The following GPC5 variants were observed in gnomAD, a reference collection of about 807,000 sequenced individuals.
The protein encoded by GPC5 is glypican 5.
In GPC5, 47 loss-of-function variants were observed where a neutral mutation model predicts 53.9. The observed-to-expected ratio is 0.87, with a 90% CI of 0.69 to 1.11. GPC5 has a LOEUF of 1.11. Among genes scored for constraint, GPC5 ranks in the 50% most tolerant of loss-of-function variants. GPC5 has a pLI of 0.00. For synonymous variants in GPC5, 286 were observed against 263.3 expected, an observed-to-expected ratio of 1.09 and a Z score of -0.84; for missense variants, 748 against 713.1, an observed-to-expected ratio of 1.05 and a Z score of -0.56.
chr13:92,808,191 C>T (rs142400083), intron 7 of GPC5, among the ~76,000 whole-genome samples: 60 of 152,058 alleles, frequency 3.9e-4, no homozygotes, highest in African/African-American at 1.4e-3. Context: ...TTATTATAAA[C>T]ATCCGAATTT....
chr13:92,612,084 G>A (rs1435129984), intron 7 of GPC5, among the ~76,000 whole-genome samples: 5 of 152,060 alleles, frequency 3.3e-5, no homozygotes, highest in Non-Finnish European at 7.4e-5. Flanking sequence ...GGATGAAAAG[G>A]TATGAAAAAT....
chr13:92,178,040 A>C (rs564577162), intron 7 of GPC5, among the ~76,000 whole-genome samples: 1 of 152,338 alleles, frequency 6.6e-6, no homozygotes, highest in East Asian at 1.9e-4. Context: ...CTATTCTGGC[A>C]CATGGAAGTT....
At chr13:92,478,118 A>G (rs1404487109) in intron 7 of GPC5, among the ~76,000 whole-genome samples, 1 of 152,150 alleles carries the variant, frequency 6.6e-6, no homozygotes, top group African/African-American at 2.4e-5. Context: ...CCCCATGATC[A>G]CGGAGAATTT....
In GPC5 at chr13:92,527,148, GAA is replaced by G. The variant is rs1251815710; in HGVS notation, c.1562-339132_1562-339131del. Among the ~76,000 whole-genome samples, 83 of 112,978 alleles carry G rather than the reference GAA, an allele frequency of 7.3e-4. 1 individual carries two copies. Among genetic ancestry groups the G allele is most frequent in the African/African-American group, 1.5e-3 (46 of 30,274 alleles). The allele number at this position is 112,978 out of a possible 152,430, so 74.1% of individuals were successfully genotyped here. ...AGAAAGAAAGAAAGAAAGAAAGAAA[GAA>G]AGAAAGAAAGAAAGAAAGAAAGAGA... On this transcript the variant is annotated intron_variant, in intron 7 of 7. Transcript: ENST00000377067.
intron 7 of GPC5, among the ~76,000 whole-genome samples, chr13:92,766,925 C>A (rs1341168911): frequency 2.0e-5 from 3 of 152,140 alleles, no homozygotes; most frequent in South Asian, 2.1e-4. Flanking sequence ...TATTACAATG[C>A]CTCTAGTTGC....
At chr13:91,461,016 C>T (rs1259230685) in intron 2 of GPC5, among the ~76,000 whole-genome samples, 1 of 152,064 alleles carries the variant, frequency 6.6e-6, no homozygotes, top group East Asian at 1.9e-4. Flanking sequence ...GATGCTATAG[C>T]TTTTATGCAG....
chr13:91,542,943 G>A (rs1021593202), intron 2 of GPC5, among the ~76,000 whole-genome samples: 22 of 142,776 alleles, frequency 1.5e-4, no homozygotes, highest in Non-Finnish European at 2.8e-4. Flanking sequence ...TGCAAGCTCC[G>A]CCTCCTGGGT....
intron 7 of GPC5, among the ~76,000 whole-genome samples, chr13:92,704,105 G>A (rs1343813692): frequency 6.6e-6 from 1 of 151,988 alleles, no homozygotes; most frequent in Non-Finnish European, 1.5e-5. Flanking sequence ...TCTCTCATTG[G>A]CGTTGGAAGT....
At chr13:92,393,670 C>A (rs570943824) in intron 7 of GPC5, among the ~76,000 whole-genome samples, 1 of 151,896 alleles carries the variant, frequency 6.6e-6, no homozygotes, top group African/African-American at 2.4e-5. Flanking sequence ...AAAAAACTTA[C>A]GAACACAAAG....
At chr13:92,206,752 A>C (rs1249672305) in intron 7 of GPC5, among the ~76,000 whole-genome samples, 1 of 152,168 alleles carries the variant, frequency 6.6e-6, no homozygotes, top group Non-Finnish European at 1.5e-5. Flanking sequence ...TGGAATCTGA[A>C]AAATAAGAGT....
chr13:91,633,272 C>A (rs2034205204), intron 2 of GPC5, among the ~76,000 whole-genome samples: 1 of 152,086 alleles, frequency 6.6e-6, no homozygotes, highest in Non-Finnish European at 1.5e-5. Context: ...ATCCTCTGGA[C>A]ATCTGACATA....
intron 2 of GPC5, among the ~76,000 whole-genome samples, chr13:91,478,822 T>TATATATATATATATATATATATAC (rs1323023652): frequency 1.8e-4 from 17 of 92,154 alleles, no homozygotes; most frequent in African/African-American, 8.3e-4. Context: ...TATATATATA[T>TATATATATATATATATATATATAC]ACACACACAC....
intron 7 of GPC5, among the ~76,000 whole-genome samples, chr13:92,485,215 GT>G (rs1185175585): frequency 2.4e-4 from 36 of 152,252 alleles, no homozygotes; most frequent in African/African-American, 8.4e-4. Context: ...TTTGTAATTT[GT>G]TTTTATGCAA....
intron 7 of GPC5, among the ~76,000 whole-genome samples, chr13:92,364,588 G>A (rs1476718210): frequency 6.6e-6 from 1 of 151,528 alleles, no homozygotes; most frequent in Non-Finnish European, 1.5e-5. Flanking sequence ...AAATTAGCCG[G>A]GCGTGGTGGC....
rs564205869 is a variant in GPC5 at position 91,431,382 on chromosome 13, G to A, written c.164-17379G>A. Among the ~76,000 whole-genome samples the A allele has an allele frequency of 2.7e-4, 41 of 152,158 alleles. No homozygotes were observed. In the East Asian group the frequency reaches 5.8e-3, roughly 22 times the overall value. ...CCTAGATCTTTCTGTATAATGTGTC[G>A]ATCAATCTGTCTTCTCCTACTACCT... On this transcript the variant is annotated intron_variant, in intron 1 of 7. Transcript: ENST00000377067.
chr13:92,679,296 T>C (rs1887043665), intron 7 of GPC5, among the ~76,000 whole-genome samples: 2 of 152,230 alleles, frequency 1.3e-5, no homozygotes, highest in African/African-American at 4.8e-5. Flanking sequence ...CCTGTTGTTC[T>C]CAGATGTCTG....
chr13:91,975,771 G>A (rs1478546183), intron 6 of GPC5, among the ~76,000 whole-genome samples: 1 of 152,160 alleles, frequency 6.6e-6, no homozygotes, highest in Admixed American at 6.5e-5. Context: ...CCATTACTGG[G>A]TATATACCCA....
intron 2 of GPC5, among the ~76,000 whole-genome samples, chr13:91,653,493 C>T (rs570745222): frequency 6.6e-6 from 1 of 152,176 alleles, no homozygotes; most frequent in East Asian, 1.9e-4. Context: ...TCAATAATAA[C>T]TTAATGGTAC....
At chr13:91,501,964 T>A (rs1021473111) in intron 2 of GPC5, among the ~76,000 whole-genome samples, 2 of 152,244 alleles carry the variant, frequency 1.3e-5, no homozygotes, top group African/African-American at 2.4e-5. Flanking sequence ...GGTATCTCAT[T>A]GTGGTTTTGA....
Sources: gnomAD v4.1 joint callset for allele counts (sites outside exome capture counted in the v4.1 genomes callset) on GRCh38, gnomAD v4.1.1 for gene constraint, MANE v1.5 for transcripts, NCBI Gene and HGNC (gene_info 2026-07-23, HGNC 2026-07-21) for gene names.